The following RMND1 variants were observed in gnomAD, a reference collection of about 807,000 sequenced individuals.
RMND1 encodes the protein required for meiotic nuclear division protein 1 homolog.
Under a neutral mutation model 54.0 loss-of-function variants are expected in RMND1, and 41 were observed. The ratio of observed to expected loss-of-function variants is 0.76; its 90% CI spans 0.59 to 0.98. The LOEUF (loss-of-function observed/expected upper bound fraction) is 0.98. Ranked by LOEUF, RMND1 falls within the 50% of genes least tolerant of loss-of-function variation. The pLI, the probability that RMND1 is intolerant of heterozygous loss-of-function variation, is 0.00. For synonymous variants in RMND1, 183 were observed against 181.7 expected, an observed-to-expected ratio of 1.01 and a Z score of -0.06; for missense variants, 457 against 532.0, an observed-to-expected ratio of 0.86 and a Z score of 1.39.
At chr6:151,446,311 G>GTA (rs1405107511) in intron 1 of RMND1, among the ~76,000 whole-genome samples, 1 of 151,870 alleles carries the variant, frequency 6.6e-6, no homozygotes, top group Non-Finnish European at 1.5e-5. Context: ...GCTCATGCCT[G>GTA]TAGTCCCAGC....
intron 1 of RMND1, among the ~76,000 whole-genome samples, chr6:151,450,525 G>A (rs1283936945): frequency 1.2e-3 from 179 of 143,262 alleles, no homozygotes; most frequent in African/African-American, 4.1e-3. Flanking sequence ...GTCCGGGAGG[G>A]AGGTGGGGGG....
chr6:151,421,835 C>T (rs535716838), intron 8 of RMND1, among the ~76,000 whole-genome samples: 42 of 152,056 alleles, frequency 2.8e-4, no homozygotes, highest in South Asian at 2.1e-3. Context: ...CTGCAACTGA[C>T]GGGCATGGTG....
At chr6:151,410,187 T>C (rs1350959314) in intron 10 of RMND1, among the ~76,000 whole-genome samples, 1 of 151,934 alleles carries the variant, frequency 6.6e-6, no homozygotes, top group Non-Finnish European at 1.5e-5. Context: ...CCCGAGTAGC[T>C]GGGACTACAG....
intron 7 of RMND1, 114 bp downstream of exon 7, chr6:151,423,411 G>A (rs1336506892): frequency 4.5e-6 from 3 of 660,888 alleles, no homozygotes; most frequent in South Asian, 2.1e-5. Context: ...AAAGGAAAAG[G>A]AATGCTAAGG....
intron 10 of RMND1, among the ~76,000 whole-genome samples, chr6:151,412,744 A>G (rs1779885619): frequency 6.6e-6 from 1 of 152,154 alleles, no homozygotes; most frequent in South Asian, 2.1e-4. Context: ...TGGAAGGTGA[A>G]GGGAGAGCAG....
intron 2 of RMND1, among the ~76,000 whole-genome samples, chr6:151,438,917 G>A (rs986068061): frequency 6.6e-6 from 1 of 151,900 alleles, no homozygotes; most frequent in African/African-American, 2.4e-5. Context: ...AGTTCGAGAC[G>A]AGCCTGGTCA....
chr6:151,447,714 C>T (rs889180644), intron 1 of RMND1, among the ~76,000 whole-genome samples: 3 of 152,076 alleles, frequency 2.0e-5, no homozygotes, highest in African/African-American at 7.2e-5. Flanking sequence ...TAGTACTATG[C>T]CATGCCAGTT....
At chr6:151,419,502 G>A (rs1780097460) in intron 9 of RMND1, among the ~76,000 whole-genome samples, 1 of 151,794 alleles carries the variant, frequency 6.6e-6, no homozygotes. Context: ...TTGAGACCCT[G>A]TCTCTACAAA....
At chr6:151,449,407 T>C (rs1268036310) in intron 1 of RMND1, among the ~76,000 whole-genome samples, 1 of 151,180 alleles carries the variant, frequency 6.6e-6, no homozygotes, top group Non-Finnish European at 1.5e-5. Flanking sequence ...CAGAATGGCC[T>C]GCATGGCACT....
chr6:151,449,018 G>A (rs1443843705), intron 1 of RMND1, among the ~76,000 whole-genome samples: 3 of 123,604 alleles, frequency 2.4e-5, no homozygotes, highest in African/African-American at 9.5e-5. Flanking sequence ...CGGAGATTGC[G>A]CCACTGCACT....
At chr6:151,408,075 G>A (rs546556450) in intron 10 of RMND1, among the ~76,000 whole-genome samples, 2 of 152,242 alleles carry the variant, frequency 1.3e-5, no homozygotes, top group South Asian at 2.1e-4. Flanking sequence ...TGGACATGAA[G>A]AAAAGGTGGG....
intron 11 of RMND1, 24 bp from the exon 12 acceptor site, chr6:151,405,291 T>C (rs368893494): frequency 7.5e-6 from 12 of 1,608,742 alleles, no homozygotes; most frequent in Non-Finnish European, 8.5e-6. Context: ...GTGAGAATTA[T>C]TTCATGACGG....
At chr6:151,406,507 G>C (rs1489078843) in intron 10 of RMND1, among the ~76,000 whole-genome samples, 5 of 152,042 alleles carry the variant, frequency 3.3e-5, no homozygotes, top group Non-Finnish European at 7.4e-5. Context: ...GACTACAGGT[G>C]CCCGCCACCA....
chr6:151,406,509 C>T (rs1411855685), intron 10 of RMND1, among the ~76,000 whole-genome samples: 1 of 152,002 alleles, frequency 6.6e-6, no homozygotes, highest in African/African-American at 2.4e-5. Flanking sequence ...CTACAGGTGC[C>T]CGCCACCACG....
At chr6:151,443,538 T>C (rs1421045076) in intron 2 of RMND1, among the ~76,000 whole-genome samples, 4 of 152,170 alleles carry the variant, frequency 2.6e-5, no homozygotes, top group Non-Finnish European at 5.9e-5. Flanking sequence ...CTCGAACTCC[T>C]GACCTCAAGT....
At chr6:151,407,591 A>G (rs558938258) in intron 10 of RMND1, among the ~76,000 whole-genome samples, 8 of 152,202 alleles carry the variant, frequency 5.3e-5, no homozygotes, top group Non-Finnish European at 4.4e-5. Context: ...CAAGCATCTG[A>G]CAACACACTG....
At chr6:151,411,902 T>C (rs1779847382) in intron 10 of RMND1, 1 of 152,164 alleles carries the variant, frequency 6.6e-6, no homozygotes, top group African/African-American at 2.4e-5. Flanking sequence ...TCTCCATCTT[T>C]TTCAAAACCA....
intron 10 of RMND1, among the ~76,000 whole-genome samples, chr6:151,410,200 G>A (rs534108773): frequency 1.3e-5 from 2 of 151,788 alleles, no homozygotes; most frequent in Non-Finnish European, 1.5e-5. Flanking sequence ...GACTACAGAC[G>A]CCCGCCACCA....
intron 1 of RMND1, among the ~76,000 whole-genome samples, chr6:151,449,770 T>G (rs1781077305): frequency 6.6e-6 from 1 of 152,226 alleles, no homozygotes; most frequent in Non-Finnish European, 1.5e-5. Flanking sequence ...TGCCTCAGCC[T>G]GCCGAGTGCC....
Sources: allele counts gnomAD v4.1 joint callset (sites outside exome capture counted in the v4.1 genomes callset), GRCh38; gene constraint gnomAD v4.1.1; transcripts MANE v1.5; gene names NCBI Gene and HGNC (gene_info 2026-07-23, HGNC 2026-07-21).